Variants in ABITRAM observed in about 807,000 individuals in gnomAD.
The protein encoded by ABITRAM is protein Abitram.
ABITRAM carries 19 observed loss-of-function variants against 22.9 expected under a neutral mutation model. That is an observed-to-expected ratio of 0.83 (90% CI 0.58 to 1.22). ABITRAM has a LOEUF of 1.22. ABITRAM is among the 50% of genes most tolerant of loss of function. ABITRAM has a pLI of 0.00. For missense variants in ABITRAM, 215 were observed against 220.2 expected, an observed-to-expected ratio of 0.98 and a Z score of 0.15; for synonymous variants, 70 against 73.9, an observed-to-expected ratio of 0.95 and a Z score of 0.27.
chr9:108,939,036 T>C (rs1830223603), intron 3 of ABITRAM, among the ~76,000 whole-genome samples, 160 bp from the exon 4 acceptor site: 1 of 152,234 alleles, frequency 6.6e-6, no homozygotes, highest in Admixed American at 6.5e-5. Context: ...GTACTTATAT[T>C]CATATAGGTT....
At chr9:108,938,690 AGG>A (rs67863314) in intron 3 of ABITRAM, among the ~76,000 whole-genome samples, 11 of 111,774 alleles carry the variant, frequency 9.8e-5, no homozygotes, top group African/African-American at 1.9e-4. Flanking sequence ...GGAATTACAA[AGG>A]GGGGGGGGGG....
rs1316484771 is a variant in ABITRAM, at chr9:108,940,322, G to A, written c.*636G>A. On this transcript the variant is annotated 3_prime_UTR_variant, in exon 6 of 6. Coordinates refer to ENST00000322940, the MANE Select transcript of ABITRAM (RefSeq NM_017832.4). ...AACTACTACATTTTAACCTACTTCT[G>A]TTTGAACATATGGTATGGTTATTGC... 2.6e-5 allele frequency: 4 copies of A among 152,090 alleles called. No individual in the cohort carries two copies. Among genetic ancestry groups the A allele is most frequent in the Admixed American group, 1.3e-4 (2 of 15,262 alleles). The allele number at this position is 152,090 out of a possible 1,614,324, so 9.4% of individuals were successfully genotyped here.
At chr9:108,948,011 T>C (rs951345517) in intron 3 of ABITRAM, among the ~76,000 whole-genome samples, 2 of 152,250 alleles carry the variant, frequency 1.3e-5, no homozygotes, top group African/African-American at 2.4e-5. Context: ...AGGATAGTTT[T>C]GCAAAATGTC....
chr9:108,937,825 CA>C (rs11378136), intron 3 of ABITRAM, among the ~76,000 whole-genome samples: 9 of 147,464 alleles, frequency 6.1e-5, no homozygotes, highest in East Asian at 2.0e-4. Flanking sequence ...TCATTTCTAC[CA>C]AAAAAAAAAA....
downstream of ABITRAM, among the ~76,000 whole-genome samples, chr9:108,945,692 C>A (rs10979619): frequency 0.019 from 2,847 of 150,066 alleles, 44 homozygotes; most frequent in Non-Finnish European, 0.031. Context: ...CCCAGCTGGT[C>A]TCAAACTCCT....
chr9:108,950,680 G>T, exon 4 of ABITRAM: 1 of 1,475,650 alleles, frequency 6.8e-7, no homozygotes, highest in Non-Finnish European at 9.0e-7. Context: ...ATAAAAGGAG[G>T]TGGATGCTCA....
intron 2 of ABITRAM, chr9:108,936,024 G>C (rs1266629592): frequency 6.1e-6 from 3 of 495,636 alleles, no homozygotes; most frequent in African/African-American, 3.8e-5. Context: ...ATGGTATCTC[G>C]TATACACAGG....
At chr9:108,935,848 T>G (rs1000031681) in intron 2 of ABITRAM, 159 bp downstream of exon 2, 9 of 595,892 alleles carry the variant, frequency 1.5e-5, no homozygotes, top group Non-Finnish European at 2.7e-5. Flanking sequence ...GGAGTTTGTT[T>G]GGCAAGAATG....
In ABITRAM at chr9:108,939,465, G is replaced by A; in HGVS notation, c.408+11G>A. ...ATTCTTCAAGAAAAGGTAAAAGAGA[G>A]AGAAAAAATATGATCTCATCCACAT... On this transcript the variant is annotated intron_variant, in intron 5 of 5. Coordinates refer to ENST00000322940, the MANE Select transcript of ABITRAM (RefSeq NM_017832.4). 6 of 1,604,508 alleles carry A rather than the reference G, an allele frequency of 3.7e-6. No homozygotes were observed. The South Asian group carries it at 6.8e-5, about 18-fold the overall frequency.
downstream of ABITRAM, chr9:108,943,074 T>G: frequency 6.4e-7 from 1 of 1,568,244 alleles, no homozygotes; most frequent in Non-Finnish European, 8.7e-7. Context: ...GCAAATGATA[T>G]TCTAAAAGTA....
chr9:108,946,279 C>T (rs1316608396), intron 3 of ABITRAM, among the ~76,000 whole-genome samples: 1 of 141,708 alleles, frequency 7.1e-6, no homozygotes, highest in Non-Finnish European at 1.5e-5. Context: ...AGCCTGACAA[C>T]AGAGCGAGAC....
intron 5 of ABITRAM, 22 bp downstream of exon 5, chr9:108,939,476 T>C (rs1371727533): frequency 8.1e-6 from 13 of 1,604,746 alleles, no homozygotes; most frequent in Non-Finnish European, 1.1e-5. Context: ...AGAAAAAATA[T>C]GATCTCATCC....
chr9:108,945,643 GT>G (rs1319557755), downstream of ABITRAM, among the ~76,000 whole-genome samples: 1,030 of 120,754 alleles, frequency 8.5e-3, 5 homozygotes, highest in African/African-American at 0.029. Flanking sequence ...TTTTTTTTTT[GT>G]TTTGTTTTTT....
At chr9:108,938,043 C>G (rs1830210084) in intron 3 of ABITRAM, among the ~76,000 whole-genome samples, 1 of 148,740 alleles carries the variant, frequency 6.7e-6, no homozygotes, top group African/African-American at 2.5e-5. Flanking sequence ...AAGTGAAGAA[C>G]AGAGAGGGAC....
In ABITRAM at chr9:108,934,461, CGGGG is replaced by C. The variant is rs759448913; in HGVS notation, c.-24_-21del. On this transcript the variant is annotated 5_prime_UTR_variant, in exon 1 of 6. Transcript: ENST00000322940. ...GAGGAAGCGCTGGGGTCCCGGAGGG[CGGGG>C]GTGGCGGCGCCGGAGGTCGCCATGG... 6.4e-7 allele frequency: 1 copy of C among 1,574,532 alleles called. No individual in the cohort carries two copies. Among genetic ancestry groups the C allele is most frequent in the Admixed American group, 1.8e-5 (1 of 55,728 alleles).
intron 3 of ABITRAM, among the ~76,000 whole-genome samples, chr9:108,936,977 G>A (rs1830197132): frequency 6.6e-6 from 1 of 151,980 alleles, no homozygotes; most frequent in Non-Finnish European, 1.5e-5. Flanking sequence ...CCTGGCCAAC[G>A]GGGTGAAAAC....
downstream of ABITRAM, among the ~76,000 whole-genome samples, chr9:108,945,905 G>T (rs1014089898): frequency 1.3e-5 from 2 of 152,044 alleles, no homozygotes; most frequent in African/African-American, 4.8e-5. Flanking sequence ...CAAAATGCTC[G>T]ATTTCCACCC....
intron 1 of ABITRAM, among the ~76,000 whole-genome samples, chr9:108,934,907 C>G (rs1043191250): frequency 2.0e-5 from 3 of 152,084 alleles, no homozygotes; most frequent in African/African-American, 7.2e-5. Context: ...CTCACTCTCA[C>G]AGGGAGTAGC....
chr9:108,942,956 C>T, downstream of ABITRAM: 1 of 1,611,284 alleles, frequency 6.2e-7, no homozygotes, highest in Non-Finnish European at 8.5e-7. Flanking sequence ...GAAAAACTAC[C>T]TCACCTTCTT....
Sources: allele counts gnomAD v4.1 joint callset (sites outside exome capture counted in the v4.1 genomes callset), GRCh38; gene constraint gnomAD v4.1.1; transcripts MANE v1.5; gene names NCBI Gene and HGNC (gene_info 2026-07-23, HGNC 2026-07-21).